The following ALS2CL variants were observed in gnomAD, a reference collection of about 807,000 sequenced individuals.
ALS2CL encodes the protein ALS2 C-terminal like.
A neutral mutation model predicts 127.9 loss-of-function variants in ALS2CL; 112 were observed. The ratio of observed to expected loss-of-function variants is 0.88; its 90% confidence interval spans 0.75 to 1.02. The LOEUF (loss-of-function observed/expected upper bound fraction) is 1.02, where lower values mean the gene tolerates loss of function less well. ALS2CL is among the 50% of genes least tolerant of loss of function. The probability of loss-of-function intolerance (pLI) is 0.00; values close to 1 mark genes in which losing one functional copy is unlikely to be tolerated. For synonymous variants in ALS2CL, 519 were observed against 527.6 expected (o/e 0.98, Z 0.22); for missense variants, 1,174 against 1,236.7 (o/e 0.95, Z 0.76).
At position 46,685,638 on chromosome 3, in the gene ALS2CL, G is replaced by A; in HGVS notation, c.673C>T (p.Leu225Phe). The change falls in exon 7 of 26, where the codon CTC becomes TTC. Residue 225 changes from leucine (L) to phenylalanine (F), a missense_variant. By Grantham distance (22) the Leu-to-Phe change is conservative. Transcript: ENST00000318962. ...HTLRGRLRDV[L>F]CTPAHRLLQD... ...AGGAGTCTGTGAGCAGGGGTGCAGA[G>A]CACATCCTGGTGGGGCAAAGAGGAC... The A allele has an allele frequency of 1.2e-6, 2 of 1,613,636 alleles. No homozygotes were observed. The highest frequency in any genetic ancestry group is 1.7e-6 in the Non-Finnish European group (2 of 1,179,806).
intron 22 of ALS2CL, among the ~76,000 whole-genome samples, chr3:46,672,760 G>A (rs1036059653): frequency 1.7e-4 from 26 of 152,258 alleles, no homozygotes; most frequent in South Asian, 6.2e-4. Context: ...TTTAGGAGGC[G>A]AAGGCAAGCA....
chr3:46,681,209 C>T lies in ALS2CL; in HGVS notation c.1436+37G>A. ...TCTGGTCTGTGAGGGCCCGGTCCAC[C>T]CCTCCGTCCTGGGAGTGGTGGCTGC... On this transcript the variant is annotated intron_variant, in intron 13 of 25. Coordinates refer to ENST00000318962, the MANE Select transcript of ALS2CL (RefSeq NM_147129.5). The surrounding 1 kb of genome is among the most constrained non-coding windows in gnomAD (Gnocchi z 4.9). 6.2e-7 allele frequency: 1 copy of T among 1,613,486 alleles called. No homozygotes were observed. The highest frequency in any genetic ancestry group is 8.5e-7 in the Non-Finnish European group (1 of 1,179,834).
chr3:46,671,522 C>G lies in ALS2CL; in HGVS notation c.2747G>C (p.Gly916Ala), dbSNP rs1354828434. 1 of 1,613,944 alleles carries G rather than the reference C, an allele frequency of 6.2e-7. No individual in the cohort carries two copies. The highest frequency in any genetic ancestry group is 8.5e-7 in the Non-Finnish European group (1 of 1,179,996). Residue 916 changes from glycine (G) to alanine (A), a missense_variant, in exon 25 of 26, where the codon GGA becomes GCA. Physicochemically the swap from Gly to Ala is moderately conservative, Grantham distance 60. Transcript: ENST00000318962. Reference sequence around the variant, plus strand: ...TGTGAGCAGGAAGTCATACAGGCCTCCTGTGTGGTTGGGGTCCATCATGTC... The same window carrying G: ...TGTGAGCAGGAAGTCATACAGGCCTGCTGTGTGGTTGGGGTCCATCATGTC... ...IRDMMDPNHT[G>A]GLYDFLLTAL... is the part of the protein sequence containing the mutation.
Position 46,681,217 on chromosome 3 carries a change from C to T in ALS2CL, c.1436+29G>A. 6.2e-7 allele frequency: 1 copy of T among 1,613,660 alleles called. No individual in the cohort carries two copies. The highest frequency in any genetic ancestry group is 8.5e-7 in the Non-Finnish European group (1 of 1,179,878). ...GTGAGGGCCCGGTCCACCCCTCCGT[C>T]CTGGGAGTGGTGGCTGCAGGGCGCT... On this transcript the variant is annotated intron_variant, in intron 13 of 25. Coordinates refer to ENST00000318962, the MANE Select transcript of ALS2CL (RefSeq NM_147129.5). The surrounding 1 kb of genome is among the most constrained non-coding windows in gnomAD (Gnocchi z 4.9).
In ALS2CL at chr3:46,681,615, G is replaced by A. The variant is rs758617010; in HGVS notation, c.1176-17C>T. The A allele has an allele frequency of 6.2e-7, 1 of 1,613,434 alleles. No homozygotes were observed. Among genetic ancestry groups the A allele is most frequent in the African/African-American group, 1.3e-5 (1 of 74,900 alleles). On this transcript the variant is annotated splice_polypyrimidine_tract_variant and intron_variant, in intron 11 of 25. Coordinates refer to ENST00000318962, the MANE Select transcript of ALS2CL (RefSeq NM_147129.5). This position sits in a 1 kb window ranked among gnomAD's most constrained non-coding sequence, Gnocchi z 4.9. ...ATGCCGAAGCTGACAGCATGGTTGT[G>A]GGGGTGGGGATCAGCCCTGACCTGA...
chr3:46,675,695 C>A lies in ALS2CL; in HGVS notation c.2187-9G>T. On this transcript the variant is annotated splice_polypyrimidine_tract_variant and intron_variant, in intron 19 of 25. Transcript: ENST00000318962. ...CAACTCGCAGCAGACCCCTGTGAGT[C>A]AATGAGAGAGAAATGGTGTGGCTGC... 1 of 1,613,432 alleles carries A rather than the reference C, an allele frequency of 6.2e-7. No individual in the cohort carries two copies.
rs530917124 is a variant in ALS2CL, at chr3:46,671,871, C to T, written c.2684+13G>A. The T allele has an allele frequency of 1.2e-6, 2 of 1,613,058 alleles. No individual in the cohort carries two copies. The highest frequency in any genetic ancestry group is 3.3e-5 in the Admixed American group (2 of 59,976). On this transcript the variant is annotated intron_variant, in intron 24 of 25. Transcript: ENST00000318962. Reference sequence around the variant, plus strand: ...TGCCCCTGCCCTGCACCCCCAGCTCCTGACTGCCTCACCGGGCGCGCGACA... The same window carrying T: ...TGCCCCTGCCCTGCACCCCCAGCTCTTGACTGCCTCACCGGGCGCGCGACA...
rs201844089 is a variant in ALS2CL, at chr3:46,681,422, C to A, written c.1275-15G>T. 1.4e-4 allele frequency: 219 copies of A among 1,605,916 alleles called. No individual in the cohort carries two copies. The highest frequency in any genetic ancestry group is 8.3e-4 in the Middle Eastern group (5 of 6,026). On this transcript the variant is annotated splice_polypyrimidine_tract_variant and intron_variant, in intron 12 of 25. Coordinates refer to ENST00000318962, the MANE Select transcript of ALS2CL (RefSeq NM_147129.5). The surrounding 1 kb of genome is among the most constrained non-coding windows in gnomAD (Gnocchi z 4.9). ...CGGTGCTGTACCTGGGGAGGGCCATCAACAACGAGCTCTGCCTCATGGAGC... is the reference window on the plus strand; with the variant it reads ...CGGTGCTGTACCTGGGGAGGGCCATAAACAACGAGCTCTGCCTCATGGAGC...
At chr3:46,674,544 C>T (rs966424059) in intron 21 of ALS2CL, 22 bp downstream of exon 21, 2 of 1,601,232 alleles carry the variant, frequency 1.2e-6, no homozygotes, top group Admixed American at 1.7e-5. Context: ...GCTAACACGG[C>T]ACGGGGGAAG....
intron 1 of ALS2CL, among the ~76,000 whole-genome samples, chr3:46,691,423 A>T (rs913906675): frequency 6.6e-6 from 1 of 151,994 alleles, no homozygotes; most frequent in Non-Finnish European, 1.5e-5. Flanking sequence ...CTTGAACACC[A>T]ACATCCCTAC....
intron 17 of ALS2CL, 55 bp downstream of exon 17, chr3:46,676,794 A>AC: frequency 4.1e-6 from 6 of 1,460,142 alleles, no homozygotes; most frequent in Non-Finnish European, 5.7e-6. Context: ...CCCTCCCCCC[A>AC]GGAAGCCCTC....
intron 10 of ALS2CL, 123 bp from the exon 11 acceptor site, chr3:46,682,217 C>G: frequency 9.7e-7 from 1 of 1,030,488 alleles, no homozygotes. Context: ...ACCCACCCAG[C>G]CCTCTTGTCT....
At chr3:46,683,760 T>C in intron 9 of ALS2CL, 22 bp downstream of exon 9, 1 of 1,613,466 alleles carries the variant, frequency 6.2e-7, no homozygotes, top group South Asian at 1.1e-5. Flanking sequence ...GCTCCCGCAG[T>C]TCACAGCTCA....
chr3:46,674,236 G>A (rs1254702909), intron 21 of ALS2CL, among the ~76,000 whole-genome samples: 1 of 152,226 alleles, frequency 6.6e-6, no homozygotes, highest in Non-Finnish European at 1.5e-5. Context: ...GAGCCAGTGA[G>A]GGACTTCAGG....
chr3:46,676,016 C>G (rs893088692), intron 19 of ALS2CL: 5 of 1,417,182 alleles, frequency 3.5e-6, no homozygotes, highest in Middle Eastern at 5.2e-4. Flanking sequence ...CAGAGTCAGC[C>G]CAGCGCCTGG....
At chr3:46,675,903 A>G in intron 19 of ALS2CL, 1 of 1,432,678 alleles carries the variant, frequency 7.0e-7, no homozygotes, top group Non-Finnish European at 9.1e-7. Flanking sequence ...TAAGGCTTCT[A>G]TTTGCAGTGT....
In ALS2CL at chr3:46,686,267, T is replaced by G; in HGVS notation, c.666+41A>C. ...CCCCCCAACATCTCCATGCCCAATG[T>G]GGAACCCCCTCCCTAACTGCCCCTC... is the stretch of plus-strand genomic sequence containing the variant. On this transcript the variant is annotated intron_variant, in intron 6 of 25. Coordinates refer to ENST00000318962, the MANE Select transcript of ALS2CL (RefSeq NM_147129.5). The surrounding 1 kb of genome is among the most constrained non-coding windows in gnomAD (Gnocchi z 4.3). 5.7e-6 allele frequency: 9 copies of G among 1,569,264 alleles called. No individual in the cohort carries two copies. The highest frequency in any genetic ancestry group is 6.9e-6 in the Non-Finnish European group (8 of 1,157,850).
At chr3:46,683,354 G>T in intron 9 of ALS2CL, 28 bp from the exon 10 acceptor site, 1 of 1,559,466 alleles carries the variant, frequency 6.4e-7, no homozygotes, top group Non-Finnish European at 8.7e-7. Flanking sequence ...ATGGGGAAGG[G>T]GATCACTGCT....
chr3:46,673,573 G>A (rs945046524), intron 21 of ALS2CL, among the ~76,000 whole-genome samples, 192 bp from the exon 22 acceptor site: 3 of 152,176 alleles, frequency 2.0e-5, no homozygotes, highest in Admixed American at 6.5e-5. Context: ...CTCCAGGGAG[G>A]TAAGGGCGGC....
Sources: gnomAD v4.1 joint callset for allele counts (sites outside exome capture counted in the v4.1 genomes callset) on GRCh38, gnomAD v4.1.1 for gene constraint, Gnocchi (gnomAD v3.1) non-coding constraint, MANE v1.5 for transcripts, NCBI Gene and HGNC (gene_info 2026-07-23, HGNC 2026-07-21) for gene names.